The following TDRD12 variants were observed in gnomAD, a reference collection of about 807,000 sequenced individuals.
The protein encoded by TDRD12 is tudor domain containing 12.
Under a neutral mutation model 133.5 loss-of-function variants are expected in TDRD12, and 158 were observed. The observed-to-expected ratio is 1.18, with a 90% CI of 1.04 to 1.35. The LOEUF (loss-of-function observed/expected upper bound fraction) is 1.35. TDRD12 is among the 40% of genes most tolerant of loss of function. The pLI is 0.00. For missense variants in TDRD12, 1,443 were observed against 1,321.3 expected (o/e 1.09, Z -1.43); for synonymous variants, 460 against 477.9 (o/e 0.96, Z 0.49).
chr19:32,777,342 A>G (rs1970612129), intron 11 of TDRD12, 113 bp downstream of exon 11: 1 of 722,314 alleles, frequency 1.4e-6, no homozygotes, highest in Admixed American at 3.3e-5. Context: ...TCCCATCAAA[A>G]AATAAATGTA....
chr19:32,760,211 T>A (rs1459917248), intron 8 of TDRD12, among the ~76,000 whole-genome samples: 1 of 152,246 alleles, frequency 6.6e-6, no homozygotes, highest in African/African-American at 2.4e-5. Context: ...CAATCAGTAC[T>A]GGAATGAACT....
exon 12 of TDRD12, chr19:32,790,557 C>T (rs1469184186): frequency 2.6e-6 from 4 of 1,551,784 alleles, no homozygotes; most frequent in Non-Finnish European, 3.5e-6. Flanking sequence ...AATCCTGATC[C>T]TTTGAGAGCT....
rs1296869251 is a variant in TDRD12, at chr19:32,794,547, T to G, written c.1288-81T>G. The G allele has an allele frequency of 9.3e-6, 6 of 647,142 alleles. 1 individual carries two copies. The highest frequency in any genetic ancestry group is 3.5e-5 in the South Asian group (2 of 56,928). 40.1% of individuals were successfully genotyped at this position (647,142 alleles called of 1,614,324 possible). On this transcript the variant is annotated intron_variant, in intron 13 of 27. Coordinates refer to ENST00000444215, the Ensembl canonical transcript of TDRD12. ...GGGTTTGGCAATGTGTAGTGCTTTT[T>G]GGGGTGAAATGAGCCATGCAATGGA... is the stretch of plus-strand genomic sequence containing the variant.
intron 17 of TDRD12, 142 bp from the exon 18 acceptor site, chr19:32,800,501 TG>T: frequency 1.1e-6 from 1 of 950,202 alleles, no homozygotes. Flanking sequence ...AAATTATGAA[TG>T]AAATACAATT....
intron 21 of TDRD12, among the ~76,000 whole-genome samples, chr19:32,803,505 C>T (rs1168170501): frequency 1.3e-5 from 2 of 152,140 alleles, no homozygotes; most frequent in Non-Finnish European, 2.9e-5. Context: ...TATCCATTCT[C>T]CTATTGATGG....
chr19:32,814,699 C>G (rs955545971), intron 25 of TDRD12, among the ~76,000 whole-genome samples: 3 of 152,206 alleles, frequency 2.0e-5, no homozygotes, highest in Admixed American at 1.3e-4. Context: ...CACTGCAGCA[C>G]GTGTGGCAGT....
intron 13 of TDRD12, 32 bp downstream of exon 13, chr19:32,791,100 GA>G: frequency 6.6e-7 from 1 of 1,517,496 alleles, no homozygotes; most frequent in Non-Finnish European, 8.8e-7. Flanking sequence ...AATTTATCAA[GA>G]ATGCCAACTT....
At chr19:32,739,470 G>C (rs1317039206) in intron 3 of TDRD12, among the ~76,000 whole-genome samples, 2 of 139,986 alleles carry the variant, frequency 1.4e-5, no homozygotes. Flanking sequence ...ATCTCCTGGG[G>C]TTCTTCCTGC....
intron 11 of TDRD12, among the ~76,000 whole-genome samples, chr19:32,786,458 G>T (rs955843958): frequency 4.6e-5 from 7 of 152,114 alleles, no homozygotes; most frequent in Non-Finnish European, 7.4e-5. Context: ...TCCTGAATTT[G>T]AATGTTGGCC....
At chr19:32,768,271 C>G (rs1213311489) in intron 8 of TDRD12, among the ~76,000 whole-genome samples, 1 of 152,114 alleles carries the variant, frequency 6.6e-6, no homozygotes. Context: ...ACAGAGACTT[C>G]AGATTTTGTG....
intron 4 of TDRD12, among the ~76,000 whole-genome samples, chr19:32,747,280 G>T (rs1969681383): frequency 6.6e-6 from 1 of 152,124 alleles, no homozygotes; most frequent in African/African-American, 2.4e-5. Context: ...TAATTATTAG[G>T]TAATTCTTTG....
chr19:32,788,235 G>C (rs1009765999), intron 11 of TDRD12, among the ~76,000 whole-genome samples: 1 of 151,526 alleles, frequency 6.6e-6, no homozygotes, highest in Non-Finnish European at 1.5e-5. Flanking sequence ...TGATTCTCCT[G>C]CCTCAGTCTG....
At chr19:32,720,196 T>TTCCTACACCCACCGCAGCCCCGCACAGCC (rs2145389311) in intron 1 of TDRD12, 100 bp downstream of exon 1, 1 of 1,117,582 alleles carries the variant, frequency 8.9e-7, no homozygotes, top group East Asian at 4.6e-5. Flanking sequence ...TCCGCACAGC[T>TTCCTACACCCACCGCAGCCCCGCACAGCC]TCCTACACCC....
chr19:32,805,269 G>C (rs1971514182), intron 21 of TDRD12, among the ~76,000 whole-genome samples: 1 of 149,300 alleles, frequency 6.7e-6, no homozygotes, highest in African/African-American at 2.5e-5. Context: ...TGTAGTCCCA[G>C]CTACTCAGGA....
chr19:32,779,450 C>T (rs1038777915), intron 11 of TDRD12, among the ~76,000 whole-genome samples: 1 of 152,136 alleles, frequency 6.6e-6, no homozygotes, highest in Non-Finnish European at 1.5e-5. Flanking sequence ...AGAGGTCACC[C>T]CAGATGCAGT....
chr19:32,739,706 C>T (rs1969345014), intron 3 of TDRD12, among the ~76,000 whole-genome samples: 1 of 137,818 alleles, frequency 7.3e-6, no homozygotes, highest in South Asian at 2.4e-4. Flanking sequence ...CTCTCTGCAT[C>T]TCCTGGGTAC....
At chr19:32,741,813 C>G (rs1969435752) in intron 3 of TDRD12, among the ~76,000 whole-genome samples, 1 of 152,038 alleles carries the variant, frequency 6.6e-6, no homozygotes, top group East Asian at 1.9e-4. Flanking sequence ...TTTGGAAGGC[C>G]AAGGCAGGAG....
At chr19:32,827,937 C>T (rs993423473) in exon 10 of TDRD12, 3 of 152,136 alleles carry the variant, frequency 2.0e-5, no homozygotes, top group African/African-American at 2.4e-5. Flanking sequence ...TCAGTCCATT[C>T]ATTTTTTTTC....
chr19:32,743,002 G>A, intron 4 of TDRD12, 102 bp downstream of exon 4: 1 of 1,400,870 alleles, frequency 7.1e-7, no homozygotes, highest in Non-Finnish European at 9.5e-7. Context: ...TGCTGAGCAG[G>A]AGGTCTCTGT....
Sources: allele counts gnomAD v4.1 joint callset (sites outside exome capture counted in the v4.1 genomes callset), GRCh38; gene constraint gnomAD v4.1.1; transcripts MANE v1.5; gene names NCBI Gene and HGNC (gene_info 2026-07-23, HGNC 2026-07-21).